The following ARHGAP18 variants were observed in gnomAD, a reference collection of about 807,000 sequenced individuals.
ARHGAP18 encodes the protein rho GTPase-activating protein 18.
Under a neutral mutation model 86.2 loss-of-function variants are expected in ARHGAP18, and 67 were observed. The ratio of observed to expected loss-of-function variants is 0.78; its 90% CI spans 0.64 to 0.95. The LOEUF (loss-of-function observed/expected upper bound fraction) is 0.95, where lower values mean the gene tolerates loss of function less well. Among genes scored for constraint, ARHGAP18 ranks in the 40% least tolerant of loss-of-function variants. The pLI, the probability that ARHGAP18 is intolerant of heterozygous loss-of-function variation, is 0.00. For missense variants in ARHGAP18, 691 were observed against 780.4 expected, an observed-to-expected ratio of 0.89 and a Z score of 1.37; for synonymous variants, 283 against 280.4, an observed-to-expected ratio of 1.01 and a Z score of -0.09.
chr6:129,618,928 C>A, intron 5 of ARHGAP18, 76 bp from the exon 6 acceptor site: 1 of 1,306,360 alleles, frequency 7.7e-7, no homozygotes, highest in Non-Finnish European at 1.1e-6. Flanking sequence ...GAAAAACCAA[C>A]TACAGAAAGA....
intron 12 of ARHGAP18, among the ~76,000 whole-genome samples, chr6:129,595,208 C>T (rs1302395140): frequency 2.0e-5 from 3 of 152,030 alleles, no homozygotes; most frequent in African/African-American, 7.2e-5. Flanking sequence ...TAGCTATTAC[C>T]CCCTAAAAAT....
intron 1 of ARHGAP18, among the ~76,000 whole-genome samples, chr6:129,659,268 T>C (rs542083298): frequency 6.6e-6 from 1 of 152,342 alleles, no homozygotes; most frequent in Admixed American, 6.5e-5. Context: ...GTTCTCCTCG[T>C]AGAGCCCAGC....
At chr6:129,610,991 G>A (rs1332333554) in intron 8 of ARHGAP18, among the ~76,000 whole-genome samples, 4 of 152,026 alleles carry the variant, frequency 2.6e-5, no homozygotes, top group Admixed American at 1.3e-4. Context: ...GGGACTCCTG[G>A]GTTCAGGCAA....
chr6:129,624,305 C>T (rs950729983), intron 5 of ARHGAP18, among the ~76,000 whole-genome samples: 36 of 150,044 alleles, frequency 2.4e-4, no homozygotes, highest in African/African-American at 6.9e-4. Context: ...CTGAGGCAGG[C>T]GGATCACAAG....
intron 1 of ARHGAP18, among the ~76,000 whole-genome samples, chr6:129,692,416 CT>C (rs1424543574): frequency 6.6e-6 from 1 of 152,108 alleles, no homozygotes; most frequent in Non-Finnish European, 1.5e-5. Flanking sequence ...GGTTGGCTGA[CT>C]TTGGAAGATC....
intron 1 of ARHGAP18, among the ~76,000 whole-genome samples, chr6:129,646,752 A>T (rs189745274): frequency 3.9e-5 from 6 of 152,290 alleles, no homozygotes; most frequent in Admixed American, 3.3e-4. Flanking sequence ...ATTACAGTTC[A>T]TGTCGTCTCT....
intron 1 of ARHGAP18, among the ~76,000 whole-genome samples, chr6:129,709,619 C>G (rs1774867867): frequency 6.6e-6 from 1 of 152,244 alleles, no homozygotes; most frequent in East Asian, 1.9e-4. Context: ...CAGTGAACAG[C>G]CTCCCTGCTT....
At chr6:129,678,527 G>C (rs544982914) in intron 1 of ARHGAP18, among the ~76,000 whole-genome samples, 2 of 152,282 alleles carry the variant, frequency 1.3e-5, no homozygotes, top group African/African-American at 4.8e-5. Context: ...GGGGAAAATT[G>C]TGGAAATTTT....
In ARHGAP18 at chr6:129,600,786, C is replaced by T. The variant is rs780086534; in HGVS notation, c.1428G>A (p.Met476Ile). 10 of 1,613,562 alleles carry T rather than the reference C, an allele frequency of 6.2e-6. No homozygotes were observed. Among genetic ancestry groups the T allele is most frequent in the Non-Finnish European group, 7.6e-6 (9 of 1,179,752 alleles). Residue 476 changes from methionine (M) to isoleucine (I), a missense_variant, in exon 11 of 15, where the codon ATG becomes ATA. By Grantham distance (10) the Met-to-Ile change is conservative. Transcript: ENST00000368149. ...DNKEKNKMTV[M>I]NVAMVMAPNL... is the part of the protein sequence containing the mutation. ...TCGGGGCCATGACCATTGCTACATT[C>T]ATGACTGTCATTTTATTTTTTTCTT...
chr6:129,615,581 C>T (rs989213329), intron 7 of ARHGAP18, among the ~76,000 whole-genome samples: 7 of 152,192 alleles, frequency 4.6e-5, no homozygotes, highest in Non-Finnish European at 1.0e-4. Context: ...GAATCTACGG[C>T]TTGGGTAGTT....
intron 1 of ARHGAP18, among the ~76,000 whole-genome samples, chr6:129,668,361 A>ATC (rs1424357995): frequency 1.5e-5 from 1 of 64,568 alleles, no homozygotes; most frequent in East Asian, 4.2e-4. Flanking sequence ...TACCCAAATA[A>ATC]TCACACACAC....
rs1302949483 is a variant in ARHGAP18, at chr6:129,578,017, A to G, written c.*496T>C. 6.6e-6 allele frequency: 1 copy of G among 152,202 alleles called. No homozygotes were observed. The highest frequency in any genetic ancestry group is 1.5e-5 in the Non-Finnish European group (1 of 68,036). 9.4% of individuals were successfully genotyped at this position (152,202 alleles called of 1,614,324 possible). A position where few individuals can be genotyped will look rare whatever the true frequency, so the allele number is the denominator to read the frequency against. On this transcript the variant is annotated 3_prime_UTR_variant, in exon 15 of 15. Coordinates refer to ENST00000368149, the MANE Select transcript of ARHGAP18 (RefSeq NM_033515.3). ...ACTAACATTCTGTCGTGACAGGAAT[A>G]CTGTGAAATTAGGTATGTTTTAATG...
chr6:129,592,480 G>T (rs900867862), intron 12 of ARHGAP18, among the ~76,000 whole-genome samples: 2 of 152,180 alleles, frequency 1.3e-5, no homozygotes, highest in Non-Finnish European at 2.9e-5. Flanking sequence ...GGAACTTTCA[G>T]CAAGTCACGT....
chr6:129,584,213 A>T, intron 12 of ARHGAP18, 101 bp from the exon 13 acceptor site: 1 of 1,465,316 alleles, frequency 6.8e-7, no homozygotes, highest in Admixed American at 2.2e-5. Context: ...TACGCATTTT[A>T]CTTCACTACA....
chr6:129,636,845 A>G (rs972205049), intron 3 of ARHGAP18, among the ~76,000 whole-genome samples: 1 of 152,206 alleles, frequency 6.6e-6, no homozygotes, highest in East Asian at 1.9e-4. Context: ...CTCAAGCCAG[A>G]ATGTAAATCA....
intron 1 of ARHGAP18, among the ~76,000 whole-genome samples, chr6:129,709,152 A>ACC (rs2114563302): frequency 6.6e-6 from 1 of 152,330 alleles, no homozygotes; most frequent in South Asian, 2.1e-4. Context: ...AAATGTGCTT[A>ACC]CCGATAACTA....
intron 12 of ARHGAP18, among the ~76,000 whole-genome samples, chr6:129,584,431 C>T (rs1788351531): frequency 2.0e-5 from 3 of 152,168 alleles, no homozygotes. Context: ...CTTCATGTAG[C>T]AATTTATGAA....
At chr6:129,694,940 G>A (rs1373549978) in intron 1 of ARHGAP18, among the ~76,000 whole-genome samples, 1 of 152,170 alleles carries the variant, frequency 6.6e-6, no homozygotes, top group Non-Finnish European at 1.5e-5. Context: ...TATCTGTAAA[G>A]CATATGGTAG....
chr6:129,662,008 G>A, intron 1 of ARHGAP18: 1 of 810,422 alleles, frequency 1.2e-6, no homozygotes, highest in Non-Finnish European at 1.5e-6. Context: ...CAAAGCCCCT[G>A]AAACCAAGGG....
Sources: allele counts gnomAD v4.1 joint callset (sites outside exome capture counted in the v4.1 genomes callset), GRCh38; gene constraint gnomAD v4.1.1; transcripts MANE v1.5; gene names NCBI Gene and HGNC (gene_info 2026-07-23, HGNC 2026-07-21).